Variants in MEI1 observed in about 807,000 individuals in gnomAD.
MEI1 encodes meiosis inhibitor protein 1.
MEI1 carries 103 observed loss-of-function variants against 146.2 expected under a neutral mutation model. The observed-to-expected ratio is 0.70, with a 90% CI of 0.60 to 0.83. The LOEUF (loss-of-function observed/expected upper bound fraction) is 0.83, where lower values mean the gene tolerates loss of function less well. Among genes scored for constraint, MEI1 ranks in the 40% least tolerant of loss-of-function variants. MEI1 has a pLI of 0.00. For synonymous variants in MEI1, 652 were observed against 628.2 expected (o/e 1.04, Z -0.57); for missense variants, 1,529 against 1,533.0 (o/e 1.00, Z 0.04).
chr22:41,746,466 G>T (rs2073295452), intron 14 of MEI1, among the ~76,000 whole-genome samples: 1 of 152,172 alleles, frequency 6.6e-6, no homozygotes, highest in African/African-American at 2.4e-5. Flanking sequence ...TTAATAATGA[G>T]CAGCAGTGAA....
intron 11 of MEI1, among the ~76,000 whole-genome samples, chr22:41,735,581 T>C (rs2072294257): frequency 6.6e-6 from 1 of 152,206 alleles, no homozygotes; most frequent in Non-Finnish European, 1.5e-5. Flanking sequence ...TGGTCCACAG[T>C]TGATTGAATC....
chr22:41,717,952 T>G, intron 5 of MEI1, 119 bp from the exon 6 acceptor site: 1 of 849,436 alleles, frequency 1.2e-6, no homozygotes, highest in Non-Finnish European at 1.8e-6. Flanking sequence ...AGAAAGCATT[T>G]TTTGTGGGGG....
At chr22:41,770,625 G>A in intron 19 of MEI1, 61 bp from the exon 20 acceptor site, 1 of 1,501,500 alleles carries the variant, frequency 6.7e-7, no homozygotes, top group Middle Eastern at 1.8e-4. Context: ...TCTTGGCCAT[G>A]TTGGGGTCTC....
chr22:41,780,767 G>T (rs113634111), intron 22 of MEI1, among the ~76,000 whole-genome samples: 1 of 151,674 alleles, frequency 6.6e-6, no homozygotes, highest in African/African-American at 2.4e-5. Flanking sequence ...TTTTTTTGTG[G>T]AGAGACGGGG....
chr22:41,714,593 AG>A (rs2069917142), intron 4 of MEI1, among the ~76,000 whole-genome samples: 1 of 152,068 alleles, frequency 6.6e-6, no homozygotes, highest in Non-Finnish European at 1.5e-5. Context: ...TTAGTTAGCC[AG>A]GCACAATGGC....
In MEI1 at chr22:41,732,256, G is replaced by T. The variant is rs2071930440; in HGVS notation, c.1108G>T (p.Val370Leu). ...TCATCCTGTGGTAGGGATCGAGGCAGTGGTGAGGAGCCTGCAGGGAAGCCT... is the reference window on the plus strand; with the variant it reads ...TCATCCTGTGGTAGGGATCGAGGCATTGGTGAGGAGCCTGCAGGGAAGCCT... ...KCHTVYGIEA[V>L]VRSLQGSLKM... The change falls in exon 10 of 31, where the codon GTG becomes TTG. Residue 370 changes from valine to leucine, a missense_variant. Transcript: ENST00000401548. The T allele has an allele frequency of 6.2e-6, 10 of 1,610,408 alleles. No homozygotes were observed. The East Asian group carries it at 8.9e-5, about 14-fold the overall frequency.
chr22:41,747,344 A>G (rs2073376811), intron 14 of MEI1: 1 of 152,830 alleles, frequency 6.5e-6, no homozygotes, highest in Non-Finnish European at 1.5e-5. Context: ...TTTACAACTA[A>G]TTGATCACAA....
At chr22:41,715,182 G>C (rs2069989503) in intron 4 of MEI1, among the ~76,000 whole-genome samples, 13 of 152,030 alleles carry the variant, frequency 8.6e-5, no homozygotes, top group Admixed American at 8.5e-4. Context: ...TGGTTTATAT[G>C]TAATATCTCA....
At chr22:41,785,509 G>T (rs6002484) in intron 26 of MEI1, among the ~76,000 whole-genome samples, 6 of 151,574 alleles carry the variant, frequency 4.0e-5, no homozygotes, top group African/African-American at 1.5e-4. Context: ...TGATCCTCCC[G>T]CCTCGGCCTC....
At chr22:41,714,359 T>C (rs1042364633) in intron 4 of MEI1, among the ~76,000 whole-genome samples, 2 of 152,166 alleles carry the variant, frequency 1.3e-5, no homozygotes, top group Non-Finnish European at 2.9e-5. Flanking sequence ...TTCCGTGACT[T>C]CCTAATTATA....
At position 41,748,291 on chromosome 22, in the gene MEI1, A is replaced by G. The variant is rs1231286270; in HGVS notation, c.1792+73A>G. The G allele has an allele frequency of 1.2e-5, 12 of 985,858 alleles. No homozygotes were observed. The Middle Eastern group carries it at 1.5e-3, about 123-fold the overall frequency. 61.1% of individuals were successfully genotyped at this position (985,858 alleles called of 1,614,324 possible). A position where few individuals can be genotyped will look rare whatever the true frequency, so the allele number is the denominator to read the frequency against. On this transcript the variant is annotated intron_variant, in intron 15 of 30. Coordinates refer to ENST00000401548, the MANE Select transcript of MEI1 (RefSeq NM_152513.4). ...GGCAATGCTCAGAGAGTATTCAAAGAGAGGATAAGTTGTGGGTGCACATTT... is the reference window on the plus strand; with the variant it reads ...GGCAATGCTCAGAGAGTATTCAAAGGGAGGATAAGTTGTGGGTGCACATTT...
chr22:41,798,812 G>A (rs962142821), intron 30 of MEI1, among the ~76,000 whole-genome samples: 1 of 150,816 alleles, frequency 6.6e-6, no homozygotes, highest in Admixed American at 6.6e-5. Flanking sequence ...AGATTGCAGT[G>A]ACCAGAGAGC....
chr22:41,730,773 T>C, intron 9 of MEI1, 136 bp downstream of exon 9: 3 of 606,964 alleles, frequency 4.9e-6, no homozygotes, highest in Non-Finnish European at 9.1e-6. Flanking sequence ...CAGCCCAAAC[T>C]CATTACCAGA....
intron 13 of MEI1, among the ~76,000 whole-genome samples, chr22:41,745,574 A>G (rs532698452): frequency 2.0e-5 from 3 of 152,230 alleles, no homozygotes; most frequent in East Asian, 3.9e-4. Context: ...GGTATTCCAG[A>G]TAGAGAGAGC....
chr22:41,784,461 C>G, intron 25 of MEI1, 41 bp downstream of exon 25: 2 of 1,608,568 alleles, frequency 1.2e-6, no homozygotes, highest in Non-Finnish European at 1.7e-6. Flanking sequence ...AAGCTTTTTC[C>G]CTAGGTTTTC....
chr22:41,799,152 G>A, intron 30 of MEI1, 102 bp from the exon 31 acceptor site: 3 of 1,103,006 alleles, frequency 2.7e-6, no homozygotes, highest in South Asian at 2.6e-5. Context: ...GAGCACTTCT[G>A]TTCTTGCCTG....
intron 7 of MEI1, 48 bp downstream of exon 7, chr22:41,724,121 C>G: frequency 6.2e-7 from 1 of 1,606,114 alleles, no homozygotes; most frequent in Non-Finnish European, 8.5e-7. Context: ...ACAAGGGGAC[C>G]CAAGTGCTTC....
chr22:41,787,383 T>G (rs2076029299), intron 26 of MEI1, among the ~76,000 whole-genome samples: 1 of 152,152 alleles, frequency 6.6e-6, no homozygotes, highest in African/African-American at 2.4e-5. Flanking sequence ...TAATAACATT[T>G]TATTATACTT....
chr22:41,705,533 G>A lies in MEI1; in HGVS notation c.328G>A (p.Val110Met), dbSNP rs2069022139. 6.2e-7 allele frequency: 1 copy of A among 1,613,638 alleles called. No homozygotes were observed. ...ATTATGCAGCATGGAAGATGGGAGT[G>A]TGACAGACCTCTGTATTGAAGGTAA... ...GLLCSMEDGS[V>M]TDLCIEVLIQ... Residue 110 changes from valine to methionine, a missense_variant, in exon 3 of 31, where the codon GTG becomes ATG. This residue lies in a region of MEI1 where 1,212 missense variants were observed against 1,178.9 expected (regional missense o/e 1.03). Coordinates refer to ENST00000401548, the MANE Select transcript of MEI1 (RefSeq NM_152513.4).
Sources: gnomAD v4.1 joint callset for allele counts (sites outside exome capture counted in the v4.1 genomes callset) on GRCh38, gnomAD v4.1.1 for gene constraint, gnomAD v4.1.1 regional missense constraint, MANE v1.5 for transcripts, NCBI Gene and HGNC (gene_info 2026-07-23, HGNC 2026-07-21) for gene names.